Variants in SYNPR observed in about 807,000 individuals in gnomAD.
SYNPR encodes synaptoporin.
In SYNPR, 23 loss-of-function variants were observed where a neutral mutation model predicts 32.9. That is an observed-to-expected ratio of 0.70 (90% CI 0.50 to 0.99). SYNPR has a LOEUF of 0.99. SYNPR is among the 50% of genes least tolerant of loss of function. The pLI, the probability that SYNPR is intolerant of heterozygous loss-of-function variation, is 0.00. For missense variants in SYNPR, 318 were observed against 349.3 expected, an observed-to-expected ratio of 0.91 and a Z score of 0.71; for synonymous variants, 146 against 135.9, an observed-to-expected ratio of 1.07 and a Z score of -0.52.
intron 2 of SYNPR, among the ~76,000 whole-genome samples, chr3:63,406,554 G>C (rs903561142): frequency 6.6e-6 from 1 of 151,914 alleles, no homozygotes. Flanking sequence ...AGCCGAGCCT[G>C]ACTCTGATTC....
At chr3:63,416,437 T>G (rs2088539627) in intron 2 of SYNPR, among the ~76,000 whole-genome samples, 1 of 144,594 alleles carries the variant, frequency 6.9e-6, no homozygotes, top group African/African-American at 2.6e-5. Context: ...GTGGCTGAGG[T>G]GGGCGAATTG....
intron 1 of SYNPR, among the ~76,000 whole-genome samples, chr3:63,243,070 A>T (rs888969716): frequency 6.6e-6 from 1 of 152,120 alleles, no homozygotes; most frequent in South Asian, 2.1e-4. Context: ...TAAGGCAGAA[A>T]ATAGGAAGAC....
chr3:63,325,981 T>C (rs550379263), intron 2 of SYNPR, among the ~76,000 whole-genome samples: 84 of 152,138 alleles, frequency 5.5e-4, no homozygotes, highest in Middle Eastern at 3.4e-3. Context: ...AACCAGAAGA[T>C]GAGAAATTGT....
chr3:63,295,373 A>C (rs537358361), intron 2 of SYNPR, among the ~76,000 whole-genome samples: 1 of 152,238 alleles, frequency 6.6e-6, no homozygotes, highest in Non-Finnish European at 1.5e-5. Flanking sequence ...AAAAACAAGT[A>C]ATGGTTAGGT....
intron 3 of SYNPR, among the ~76,000 whole-genome samples, chr3:63,547,880 G>A (rs1417333315): frequency 6.6e-6 from 1 of 152,152 alleles, no homozygotes; most frequent in Non-Finnish European, 1.5e-5. Context: ...AAATTTGAAT[G>A]TTTCAGTGAG....
chr3:63,222,066 A>C, the SYNPR span, among the ~76,000 whole-genome samples: 1 of 121,344 alleles, frequency 8.2e-6, no homozygotes, highest in South Asian at 2.6e-4. Context: ...GTGGTTTAAC[A>C]TAAACTTCAG....
chr3:63,570,904 C>G (rs999667315), intron 4 of SYNPR, among the ~76,000 whole-genome samples: 2 of 152,166 alleles, frequency 1.3e-5, no homozygotes, highest in African/African-American at 2.4e-5. Context: ...GTTTGCTCAT[C>G]TACTCAACAC....
chr3:63,298,518 C>T (rs992556574), intron 2 of SYNPR, among the ~76,000 whole-genome samples: 8 of 152,120 alleles, frequency 5.3e-5, no homozygotes, highest in Non-Finnish European at 8.8e-5. Flanking sequence ...TAGTTGTTCC[C>T]TGTGTGCTGA....
chr3:63,466,110 C>A (rs1216854777), intron 2 of SYNPR, among the ~76,000 whole-genome samples: 2 of 152,106 alleles, frequency 1.3e-5, no homozygotes, highest in African/African-American at 4.8e-5. Context: ...CTCTATGTGT[C>A]CATGTGTTCT....
At chr3:63,539,370 A>C (rs1196646867) in intron 3 of SYNPR, among the ~76,000 whole-genome samples, 1 of 152,122 alleles carries the variant, frequency 6.6e-6, no homozygotes, top group African/African-American at 2.4e-5. Context: ...GCTTTTATGC[A>C]TGTGTGTCCC....
At chr3:63,368,923 G>C (rs1212911644) in intron 2 of SYNPR, among the ~76,000 whole-genome samples, 1 of 152,202 alleles carries the variant, frequency 6.6e-6, no homozygotes, top group East Asian at 1.9e-4. Context: ...CACCTTACAT[G>C]AAGATGCTGT....
intron 2 of SYNPR, among the ~76,000 whole-genome samples, chr3:63,316,137 T>C (rs1182929820): frequency 1.3e-5 from 2 of 152,072 alleles, no homozygotes; most frequent in Non-Finnish European, 2.9e-5. Context: ...TGGATTCAGT[T>C]AGCTAGTATT....
At chr3:63,409,790 G>A (rs1357756029) in intron 2 of SYNPR, among the ~76,000 whole-genome samples, 1 of 152,114 alleles carries the variant, frequency 6.6e-6, no homozygotes, top group Non-Finnish European at 1.5e-5. Context: ...TATATTTCAA[G>A]CTCTCTTTTT....
intron 3 of SYNPR, among the ~76,000 whole-genome samples, chr3:63,489,463 G>A (rs1333830945): frequency 6.6e-6 from 1 of 152,118 alleles, no homozygotes; most frequent in East Asian, 1.9e-4. Context: ...ATACGGGTGG[G>A]CAACCAACAG....
At chr3:63,425,318 C>T (rs777339639) in intron 2 of SYNPR, among the ~76,000 whole-genome samples, 1 of 152,064 alleles carries the variant, frequency 6.6e-6, no homozygotes, top group Non-Finnish European at 1.5e-5. Flanking sequence ...AAACTTTATT[C>T]TGTATAGTTT....
At chr3:63,271,675 G>A (rs1380124120) in intron 3 of SYNPR, among the ~76,000 whole-genome samples, 1 of 151,852 alleles carries the variant, frequency 6.6e-6, no homozygotes, top group Admixed American at 6.6e-5. Context: ...ATATTGCAAA[G>A]CAAAACTCAT....
At position 63,259,502 on chromosome 3, in the gene SYNPR, G is replaced by A. The variant is rs1026077373; in HGVS notation, n.154+6916G>A. On this transcript the variant is annotated intron_variant and non_coding_transcript_variant, in intron 2 of 4. Transcript: ENST00000478456. ...TGATTATCTCAATAGATGCAGAAAA[G>A]GCCTTTGACAAAATTCAACAGCCCT... 5.9e-5 allele frequency among the ~76,000 whole-genome samples: 9 copies of A among 152,176 alleles called. No homozygotes were observed. The South Asian group carries it at 1.0e-3, about 18-fold the overall frequency.
intron 5 of SYNPR, among the ~76,000 whole-genome samples, chr3:63,612,636 G>C (rs1368174816): frequency 6.6e-6 from 1 of 152,166 alleles, no homozygotes; most frequent in Non-Finnish European, 1.5e-5. Context: ...ACCCTAAAAT[G>C]TGCCAGCCAA....
chr3:63,292,152 T>C (rs1396179608), intron 2 of SYNPR, among the ~76,000 whole-genome samples: 1 of 152,226 alleles, frequency 6.6e-6, no homozygotes, highest in East Asian at 1.9e-4. Context: ...TCATCATATA[T>C]GTGGTTGGTC....
Sources: gnomAD v4.1 joint callset for allele counts (sites outside exome capture counted in the v4.1 genomes callset) on GRCh38, gnomAD v4.1.1 for gene constraint, MANE v1.5 for transcripts, NCBI Gene and HGNC (gene_info 2026-07-23, HGNC 2026-07-21) for gene names.